XIRP2: variants seen among roughly 807,000 people sequenced by gnomAD.
XIRP2 encodes the protein xin actin binding repeat containing 2, also known as xin actin-binding repeat-containing protein 2.
Under a neutral mutation model 277.0 loss-of-function variants are expected in XIRP2, and 236 were observed. The observed-to-expected ratio is 0.85, with a 90% CI of 0.77 to 0.95. The LOEUF is 0.95. Among genes scored for constraint, XIRP2 ranks in the 40% least tolerant of loss-of-function variants. The probability of loss-of-function intolerance (pLI) is 0.00; values close to 1 mark genes in which losing one functional copy is unlikely to be tolerated. For synonymous variants in XIRP2, 1,490 were observed against 1,416.5 expected, an observed-to-expected ratio of 1.05 and a Z score of -1.17; for missense variants, 4,640 against 4,157.5, an observed-to-expected ratio of 1.12 and a Z score of -3.19.
intron 2 of XIRP2, among the ~76,000 whole-genome samples, chr2:167,045,006 G>T (rs1688753874): frequency 6.6e-6 from 1 of 151,614 alleles, no homozygotes; most frequent in Non-Finnish European, 1.5e-5. Flanking sequence ...TATACTGAAT[G>T]GCTACAGTAA....
At chr2:166,954,302 C>A (rs1286614655) in intron 2 of XIRP2, among the ~76,000 whole-genome samples, 1 of 151,962 alleles carries the variant, frequency 6.6e-6, no homozygotes, top group South Asian at 2.1e-4. Context: ...TAATTTAAAT[C>A]ATTAGAAATA....
intron 2 of XIRP2, among the ~76,000 whole-genome samples, chr2:167,055,093 G>T (rs569563357): frequency 6.6e-6 from 1 of 152,262 alleles, no homozygotes; most frequent in East Asian, 1.9e-4. Context: ...ACTAGTTGTG[G>T]TAGAATCCGA....
chr2:167,249,792 T>C lies in XIRP2; in HGVS notation c.8400T>C (p.Val2800=). Residue 2800 remains valine, a synonymous_variant, in exon 9 of 11, where the codon GTT becomes GTC. Transcript: ENST00000409195. ...ACCAGGAAGATAAGCTCAAGATGGT[T>C]CCCAGGAAGCAAAGAGAATTTAGCG... ...QKNQEDKLKM[V]PRKQREFSGS... The C allele has an allele frequency of 6.2e-7, 1 of 1,613,210 alleles. No individual in the cohort carries two copies. The highest frequency in any genetic ancestry group is 8.5e-7 in the Non-Finnish European group (1 of 1,179,710).
intron 2 of XIRP2, among the ~76,000 whole-genome samples, chr2:167,123,231 T>G (rs10497317): frequency 0.03 from 4,623 of 152,248 alleles, 77 homozygotes; most frequent in East Asian, 0.05. Context: ...TTCAAAACTA[T>G]GAGTACACAA....
Position 167,244,669 on chromosome 2 carries a change from A to G in XIRP2, c.3277A>G (p.Thr1093Ala), listed in dbSNP as rs773052954. The change falls in exon 9 of 11, where the codon ACC becomes GCC. Residue 1093 changes from threonine (T) to alanine (A), a missense_variant. By Grantham distance (58) the Thr-to-Ala change is moderately conservative (BLOSUM62 0). Coordinates refer to ENST00000409195, the MANE Select transcript of XIRP2 (RefSeq NM_152381.6). ...TRDIVKGDVK[T>A]CKWLFETQPM... ...AGATATTGTTAAAGGGGATGTCAAA[A>G]CCTGTAAATGGCTTTTTGAGACCCA... is the stretch of plus-strand genomic sequence containing the variant. The G allele has an allele frequency of 6.2e-6, 10 of 1,613,526 alleles. No homozygotes were observed. The highest frequency in any genetic ancestry group is 1.7e-5 in the Admixed American group (1 of 59,956).
chr2:167,155,358 G>T (rs1456388893), intron 3 of XIRP2, among the ~76,000 whole-genome samples: 1 of 151,628 alleles, frequency 6.6e-6, no homozygotes, highest in African/African-American at 2.4e-5. Flanking sequence ...TAAAATACTG[G>T]CAAACCGAAT....
chr2:167,133,649 A>G (rs1191021188), intron 2 of XIRP2, among the ~76,000 whole-genome samples: 1 of 152,098 alleles, frequency 6.6e-6, no homozygotes, highest in East Asian at 1.9e-4. Context: ...CAAAACATAA[A>G]TTTTCCTAAC....
In XIRP2 at chr2:167,251,336, C is replaced by T. The variant is rs1305389541; in HGVS notation, c.9944C>T (p.Ala3315Val). The change falls in exon 9 of 11, where the codon GCC becomes GTC. Residue 3315 changes from alanine to valine, a missense_variant. By Grantham distance (64) the Ala-to-Val change is moderately conservative (BLOSUM62 0). Coordinates refer to ENST00000409195, the MANE Select transcript of XIRP2 (RefSeq NM_152381.6). ...LSEHTQRYEA[A>V]NRTVQMAENF... is the part of the protein sequence containing the mutation. ...GAGCACACACAGAGATATGAAGCGG[C>T]CAACCGAACTGTTCAAATGGCTGAA... The T allele has an allele frequency of 8.1e-6, 13 of 1,613,576 alleles. No individual in the cohort carries two copies. Among genetic ancestry groups the T allele is most frequent in the Non-Finnish European group, 1.1e-5 (13 of 1,179,690 alleles).
At chr2:167,184,470 T>A (rs1693100182) in intron 3 of XIRP2, 2 of 673,542 alleles carry the variant, frequency 3.0e-6, no homozygotes, top group Non-Finnish European at 5.4e-6. Flanking sequence ...TTGAGATCCC[T>A]CGCTTCTTCA....
At chr2:166,965,172 T>C (rs948227594) in intron 2 of XIRP2, among the ~76,000 whole-genome samples, 1 of 151,878 alleles carries the variant, frequency 6.6e-6, no homozygotes, top group Non-Finnish European at 1.5e-5. Flanking sequence ...AGTTCTAATA[T>C]GTGATTAGAA....
chr2:167,246,290 T>G lies in XIRP2; in HGVS notation c.4898T>G (p.Val1633Gly), dbSNP rs565331348. 3.3e-5 allele frequency: 54 copies of G among 1,613,386 alleles called. No individual in the cohort carries two copies. The East Asian group carries it at 1.1e-3, about 34-fold the overall frequency. The change falls in exon 9 of 11, where the codon GTT (valine) becomes GGT (glycine). Residue 1633 changes from valine (V) to glycine (G), a missense_variant. By Grantham distance (109) the Val-to-Gly change is moderately radical. Coordinates refer to ENST00000409195, the MANE Select transcript of XIRP2 (RefSeq NM_152381.6). ...ILISEEEKGN[V>G]NLTKTQLLNR... Reference sequence around the variant, plus strand: ...ATTAGTGAAGAAGAGAAGGGAAATGTTAATTTGACTAAAACTCAATTATTA... The same window carrying G: ...ATTAGTGAAGAAGAGAAGGGAAATGGTAATTTGACTAAAACTCAATTATTA...
Position 167,258,657 on chromosome 2 carries a change from TGAATAA to T in XIRP2, c.*847_*852del. 6.2e-7 allele frequency: 1 copy of T among 1,611,336 alleles called. No homozygotes were observed. Among genetic ancestry groups the T allele is most frequent in the Non-Finnish European group, 8.5e-7 (1 of 1,178,818 alleles). ...ATGCCAGAAAATCATAAAGAAAATT[TGAATAA>T]GAATAATAATAACAATTATGTAGCA... is the stretch of plus-strand genomic sequence containing the variant. On this transcript the variant is annotated 3_prime_UTR_variant, in exon 11 of 11. Transcript: ENST00000409195.
intron 2 of XIRP2, among the ~76,000 whole-genome samples, chr2:167,128,255 A>G (rs1212597444): frequency 1.3e-5 from 2 of 152,134 alleles, no homozygotes; most frequent in African/African-American, 4.8e-5. Context: ...TCTCAATTGG[A>G]AATTTTAATA....
chr2:167,028,665 C>T (rs1207529475), intron 2 of XIRP2, among the ~76,000 whole-genome samples: 1 of 151,672 alleles, frequency 6.6e-6, no homozygotes, highest in Non-Finnish European at 1.5e-5. Flanking sequence ...CACAGATGAA[C>T]CTACAGAAGC....
chr2:167,188,107 A>G (rs1693218440), intron 3 of XIRP2, among the ~76,000 whole-genome samples: 1 of 152,238 alleles, frequency 6.6e-6, no homozygotes, highest in Non-Finnish European at 1.5e-5. Context: ...CAGAATTAAG[A>G]AAAGCACTGC....
intron 3 of XIRP2, among the ~76,000 whole-genome samples, chr2:167,153,358 T>C (rs763929536): frequency 9.6e-5 from 14 of 146,300 alleles, no homozygotes; most frequent in Non-Finnish European, 1.9e-4. Context: ...CTCTTTAAAA[T>C]AGTAAAGTTT....
At chr2:167,105,084 G>GT (rs1690582101) in intron 2 of XIRP2, among the ~76,000 whole-genome samples, 1 of 151,966 alleles carries the variant, frequency 6.6e-6, no homozygotes, top group African/African-American at 2.4e-5. Flanking sequence ...TAGTAAGTTA[G>GT]TTTTTTAATC....
chr2:167,181,975 G>C (rs1693027265), intron 3 of XIRP2, among the ~76,000 whole-genome samples: 2 of 151,966 alleles, frequency 1.3e-5, no homozygotes, highest in African/African-American at 2.4e-5. Flanking sequence ...AAGCCCCCTG[G>C]CTTGCATGAT....
chr2:167,190,010 C>T (rs1273516527), intron 3 of XIRP2, among the ~76,000 whole-genome samples: 2 of 152,126 alleles, frequency 1.3e-5, no homozygotes, highest in Non-Finnish European at 2.9e-5. Flanking sequence ...GAAAAGTGTT[C>T]TATTTGTTAT....
Sources: gnomAD v4.1 joint callset for allele counts (sites outside exome capture counted in the v4.1 genomes callset) on GRCh38, gnomAD v4.1.1 for gene constraint, MANE v1.5 for transcripts, NCBI Gene and HGNC (gene_info 2026-07-23, HGNC 2026-07-21) for gene names.